Variants in CDKAL1 observed in about 807,000 individuals in gnomAD.
CDKAL1 encodes the protein threonylcarbamoyladenosine tRNA methylthiotransferase.
In CDKAL1, 32 loss-of-function variants were observed where a neutral mutation model predicts 68.2. That is an observed-to-expected ratio of 0.47 (90% confidence interval 0.35 to 0.63). The LOEUF (loss-of-function observed/expected upper bound fraction) is 0.63. CDKAL1 is among the 30% of genes least tolerant of loss of function. CDKAL1 has a pLI of 0.00. For synonymous variants in CDKAL1, 234 were observed against 244.3 expected, an observed-to-expected ratio of 0.96 and a Z score of 0.39; for missense variants, 606 against 696.7, an observed-to-expected ratio of 0.87 and a Z score of 1.47.
chr6:20,649,334 A>C lies in CDKAL1; in HGVS notation c.328A>C (p.Thr110Pro). The C allele has an allele frequency of 6.2e-7, 1 of 1,607,780 alleles. No homozygotes were observed. Among genetic ancestry groups the C allele is most frequent in the Non-Finnish European group, 8.5e-7 (1 of 1,178,444 alleles). Residue 110 changes from threonine (T) to proline (P), a missense_variant, in exon 5 of 16, where the codon ACT becomes CCT. Transcript: ENST00000274695. ...AGATTTATGGCTCCTGAACAGTTGC[A>C]CTGTAAAAAACCCAGCTGAAGACCA... is the stretch of plus-strand genomic sequence containing the variant. ...DADLWLLNSC[T>P]VKNPAEDHFR...
chr6:20,995,249 A>G (rs1485834811), intron 10 of CDKAL1, among the ~76,000 whole-genome samples: 1 of 152,104 alleles, frequency 6.6e-6, no homozygotes, highest in Non-Finnish European at 1.5e-5. Flanking sequence ...ATGTCTTCCA[A>G]ACTCCTGTTT....
At chr6:20,682,196 C>G (rs1385858448) in intron 5 of CDKAL1, among the ~76,000 whole-genome samples, 2 of 152,190 alleles carry the variant, frequency 1.3e-5, no homozygotes, top group Non-Finnish European at 2.9e-5. Flanking sequence ...CCATCTCCCT[C>G]AAGAAACCCT....
Position 21,209,575 on chromosome 6 carries a change from G to A in CDKAL1, c.1548+8301G>A, listed in dbSNP as rs531168915. Among the ~76,000 whole-genome samples, 3 of 152,324 alleles carry A rather than the reference G, an allele frequency of 2.0e-5. No homozygotes were observed. In the South Asian group the frequency reaches 6.2e-4, roughly 32 times the overall value. The stretch of plus-strand genomic sequence containing the variant: ...GTGACCCTGGTAGGGAGGGATTGGT[G>A]TGAGGGAAGTGGTCTTGTATAGGTA... On this transcript the variant is annotated intron_variant, in intron 15 of 15. Coordinates refer to ENST00000274695, the MANE Select transcript of CDKAL1 (RefSeq NM_017774.3).
At chr6:21,015,548 C>T (rs1188874570) in intron 11 of CDKAL1, among the ~76,000 whole-genome samples, 3 of 151,940 alleles carry the variant, frequency 2.0e-5, no homozygotes, top group East Asian at 1.9e-4. Flanking sequence ...AAAATTATTT[C>T]GTTGTCCAGT....
chr6:21,108,417 A>T lies in CDKAL1; in HGVS notation c.1253A>T (p.Lys418Ile), dbSNP rs1228864617. 4 of 1,606,570 alleles carry T rather than the reference A, an allele frequency of 2.5e-6. No homozygotes were observed. Among genetic ancestry groups the T allele is most frequent in the Non-Finnish European group, 3.4e-6 (4 of 1,177,654 alleles). ...VPAQVKKQRT[K>I]DLSRVFHSYS... ...TTTTCACAGAAAAAGCAAAGGACAA[A>T]AGATCTTTCTCGGGTGTTTCATTCT... The change falls in exon 13 of 16, where the codon AAA (lysine) becomes ATA (isoleucine). Residue 418 changes from lysine (K) to isoleucine (I), a missense_variant. Coordinates refer to ENST00000274695, the MANE Select transcript of CDKAL1 (RefSeq NM_017774.3).
chr6:20,937,083 T>C (rs1037494724), intron 9 of CDKAL1, among the ~76,000 whole-genome samples: 2 of 151,712 alleles, frequency 1.3e-5, no homozygotes, highest in Admixed American at 6.6e-5. Flanking sequence ...GTGTTTTTTT[T>C]CTCTCTTTCT....
chr6:20,561,978 T>C (rs1454483550), intron 4 of CDKAL1, among the ~76,000 whole-genome samples: 1 of 152,202 alleles, frequency 6.6e-6, no homozygotes, highest in Non-Finnish European at 1.5e-5. Context: ...CTACAAATTA[T>C]ATTGAATCAG....
At chr6:20,753,367 G>A (rs1218815444) in intron 6 of CDKAL1, among the ~76,000 whole-genome samples, 4 of 152,082 alleles carry the variant, frequency 2.6e-5, no homozygotes, top group South Asian at 2.1e-4. Context: ...AATCAATGAT[G>A]TATATAAGTC....
intron 8 of CDKAL1, among the ~76,000 whole-genome samples, chr6:20,812,192 T>C (rs888829217): frequency 6.6e-6 from 1 of 152,218 alleles, no homozygotes; most frequent in African/African-American, 2.4e-5. Flanking sequence ...TTGGTTTTAT[T>C]TAAGATATTA....
At chr6:21,194,649 A>G (rs1317980426) in intron 13 of CDKAL1, among the ~76,000 whole-genome samples, 2 of 152,206 alleles carry the variant, frequency 1.3e-5, no homozygotes, top group African/African-American at 4.8e-5. Flanking sequence ...GAGGGTCTTT[A>G]ACCACACACG....
intron 9 of CDKAL1, among the ~76,000 whole-genome samples, chr6:20,846,661 G>C (rs928760261): frequency 3.9e-5 from 6 of 152,182 alleles, no homozygotes; most frequent in Non-Finnish European, 8.8e-5. Context: ...CCACATGACT[G>C]TCAGACCACT....
At chr6:21,033,407 T>A (rs11961096) in intron 11 of CDKAL1, among the ~76,000 whole-genome samples, 1,563 of 152,192 alleles carry the variant, frequency 0.01, 34 homozygotes, top group African/African-American at 0.036. Flanking sequence ...GACTGAAAGT[T>A]TTTTTAACCT....
At chr6:21,146,348 C>T (rs1776167320) in intron 13 of CDKAL1, among the ~76,000 whole-genome samples, 1 of 152,146 alleles carries the variant, frequency 6.6e-6, no homozygotes, top group East Asian at 1.9e-4. Flanking sequence ...AAAAAAATCA[C>T]AGTTCACGTC....
At chr6:20,791,607 G>A (rs1243528502) in intron 8 of CDKAL1, among the ~76,000 whole-genome samples, 3 of 152,182 alleles carry the variant, frequency 2.0e-5, no homozygotes, top group South Asian at 2.1e-4. Flanking sequence ...GTTTTACAGA[G>A]AGAATGGGGA....
At chr6:20,862,048 T>C (rs1310920258) in intron 9 of CDKAL1, among the ~76,000 whole-genome samples, 1 of 152,230 alleles carries the variant, frequency 6.6e-6, no homozygotes, top group African/African-American at 2.4e-5. Context: ...TGTATTTTAA[T>C]AGTAAAATAT....
chr6:20,867,950 G>A (rs1040220447), intron 9 of CDKAL1, among the ~76,000 whole-genome samples: 3 of 152,086 alleles, frequency 2.0e-5, no homozygotes, highest in East Asian at 1.9e-4. Flanking sequence ...TCCATATATA[G>A]TACATCTATA....
chr6:20,834,068 G>A (rs1208896229), intron 8 of CDKAL1, among the ~76,000 whole-genome samples: 1 of 152,146 alleles, frequency 6.6e-6, no homozygotes, highest in African/African-American at 2.4e-5. Context: ...CATTCAGCAG[G>A]TTTTTGTGGT....
chr6:21,006,746 A>G (rs1380807784), intron 11 of CDKAL1, among the ~76,000 whole-genome samples: 1 of 152,224 alleles, frequency 6.6e-6, no homozygotes, highest in African/African-American at 2.4e-5. Flanking sequence ...GGACTACCCC[A>G]AATTCGATTC....
chr6:20,955,340 C>T, intron 9 of CDKAL1, 79 bp from the exon 10 acceptor site: 2 of 1,377,502 alleles, frequency 1.5e-6, no homozygotes, highest in Admixed American at 1.8e-5. Context: ...AGAAATACTG[C>T]ATTAAAAACA....
Sources: allele counts gnomAD v4.1 joint callset (sites outside exome capture counted in the v4.1 genomes callset), GRCh38; gene constraint gnomAD v4.1.1; transcripts MANE v1.5; gene names NCBI Gene and HGNC (gene_info 2026-07-23, HGNC 2026-07-21).